The following NEO1 variants were observed in gnomAD, a reference collection of about 807,000 sequenced individuals.
NEO1 encodes neogenin 1, also known as neogenin.
Under a neutral mutation model 159.7 loss-of-function variants are expected in NEO1, and 63 were observed. The ratio of observed to expected loss-of-function variants is 0.39; its 90% CI spans 0.32 to 0.49. NEO1 has a LOEUF of 0.49. Ranked by LOEUF, NEO1 falls within the 20% of genes least tolerant of loss-of-function variation. NEO1 has a pLI of 0.85. For synonymous variants in NEO1, 633 were observed against 662.0 expected (o/e 0.96, Z 0.67); for missense variants, 1,615 against 1,831.0 (o/e 0.88, Z 2.15).
intron 7 of NEO1, among the ~76,000 whole-genome samples, chr15:73,230,818 C>G (rs2038867467): frequency 6.6e-6 from 1 of 152,106 alleles, no homozygotes; most frequent in African/African-American, 2.4e-5. Flanking sequence ...TCTTAAATTT[C>G]TGGGCTCAAG....
chr15:73,301,423 A>G lies in NEO1; in HGVS notation c.4268A>G (p.Gln1423Arg), dbSNP rs758809641. Residue 1423 changes from glutamine (Q) to arginine (R), a missense_variant, in exon 28 of 29, where the codon CAG (glutamine) becomes CGG (arginine). Around this residue, in one of 3 missense-constraint regions of NEO1, gnomAD observed 471 missense variants for 498.9 expected, o/e 0.94. Coordinates refer to ENST00000261908, the MANE Select transcript of NEO1 (RefSeq NM_002499.4). ...PVVVPSAPEV[Q>R]ETTRMLEDSE... ...GTTGTTCCCAGTGCCCCTGAAGTGC[A>G]GGAGACCACAAGGATGTTGGAAGAC... 1.9e-6 allele frequency: 3 copies of G among 1,614,082 alleles called. No homozygotes were observed. The highest frequency in any genetic ancestry group is 1.1e-5 in the South Asian group (1 of 91,082).
rs150824800 is a variant in NEO1 at position 73,229,860 on chromosome 15, G to C, written c.1292-6487G>C. 5.9e-5 allele frequency among the ~76,000 whole-genome samples: 9 copies of C among 152,182 alleles called. No individual in the cohort carries two copies. The East Asian group carries it at 1.7e-3, about 29-fold the overall frequency. ...TTAATTGATTTTGGAACATTAAACT[G>C]TCTTGAATTCCTATGATAAATTCTA... On this transcript the variant is annotated intron_variant, in intron 7 of 28. Transcript: ENST00000261908.
chr15:73,107,277 G>GGT (rs2070741822), intron 1 of NEO1, among the ~76,000 whole-genome samples: 1 of 152,108 alleles, frequency 6.6e-6, no homozygotes, highest in African/African-American at 2.4e-5. Flanking sequence ...GTAGCAGTAA[G>GGT]GTAAAACAGA....
At chr15:73,135,622 G>A (rs575713751) in intron 4 of NEO1, among the ~76,000 whole-genome samples, 2 of 152,182 alleles carry the variant, frequency 1.3e-5, no homozygotes, top group East Asian at 3.8e-4. Context: ...GGTTCCAAGA[G>A]TGATACCCCT....
rs1596424584 is a variant in NEO1, at chr15:73,233,807, A to G, written c.1292-2540A>G. On this transcript the variant is annotated intron_variant, in intron 7 of 28. Transcript: ENST00000261908. ...TACTGAAATCCTTATGTTGTTACTC[A>G]TTCAAGCTAGTCATAGTAAATAACA... Among the ~76,000 whole-genome samples, 3 of 152,094 alleles carry G rather than the reference A, an allele frequency of 2.0e-5. No homozygotes were observed. In the South Asian group the frequency reaches 6.2e-4, roughly 32 times the overall value.
chr15:73,239,152 C>A (rs1026508854), intron 8 of NEO1, among the ~76,000 whole-genome samples: 1 of 152,072 alleles, frequency 6.6e-6, no homozygotes, highest in Non-Finnish European at 1.5e-5. Flanking sequence ...GCCAAGTTAT[C>A]ATTTTTCATC....
intron 2 of NEO1, among the ~76,000 whole-genome samples, chr15:73,122,216 T>C (rs1240956071): frequency 6.6e-6 from 1 of 151,276 alleles, no homozygotes; most frequent in Non-Finnish European, 1.5e-5. Context: ...TCTATGATTA[T>C]ATAAAACCAT....
intron 7 of NEO1, among the ~76,000 whole-genome samples, chr15:73,220,146 T>C (rs920774108): frequency 6.6e-6 from 1 of 152,182 alleles, no homozygotes; most frequent in African/African-American, 2.4e-5. Flanking sequence ...CAGCATTTGC[T>C]TGTCTGTAAA....
chr15:73,276,967 T>A (rs141104746), intron 21 of NEO1, among the ~76,000 whole-genome samples: 334 of 152,196 alleles, frequency 2.2e-3, no homozygotes, highest in African/African-American at 7.7e-3. Context: ...ATGGAACATC[T>A]ACTATGTGTC....
intron 1 of NEO1, among the ~76,000 whole-genome samples, chr15:73,067,088 T>G (rs902736567): frequency 1.4e-4 from 22 of 152,228 alleles, no homozygotes; most frequent in African/African-American, 5.3e-4. Context: ...TGTGGAAGTT[T>G]GTCTGGTTTT....
chr15:73,111,481 A>C (rs1481662700), intron 1 of NEO1, among the ~76,000 whole-genome samples: 1 of 152,224 alleles, frequency 6.6e-6, no homozygotes, highest in South Asian at 2.1e-4. Context: ...ATTAAAAATC[A>C]ACTGAAATCC....
intron 1 of NEO1, among the ~76,000 whole-genome samples, chr15:73,093,252 C>T (rs2069798860): frequency 6.6e-6 from 1 of 152,156 alleles, no homozygotes; most frequent in Non-Finnish European, 1.5e-5. Context: ...CCTTGATCAC[C>T]TGGCTGAGAT....
At chr15:73,110,013 G>A (rs2151568694) in intron 1 of NEO1, among the ~76,000 whole-genome samples, 1 of 152,144 alleles carries the variant, frequency 6.6e-6, no homozygotes, top group East Asian at 1.9e-4. Flanking sequence ...CTTAAGTGTT[G>A]CCTGCTCTTA....
Position 73,266,418 on chromosome 15 carries a change from T to C in NEO1, c.2494+7T>C. On this transcript the variant is annotated splice_region_variant and intron_variant, in intron 16 of 28. Transcript: ENST00000261908. ...GTGACCAGGCCTCACACAGGTAAGG[T>C]ATCCTATCTTTCCTAGTCTCCAGCA... 1.2e-6 allele frequency: 2 copies of C among 1,601,990 alleles called. No individual in the cohort carries two copies. Among genetic ancestry groups the C allele is most frequent in the Non-Finnish European group, 1.7e-6 (2 of 1,172,718 alleles).
chr15:73,104,755 G>A (rs778467574), intron 1 of NEO1, among the ~76,000 whole-genome samples: 44 of 152,238 alleles, frequency 2.9e-4, no homozygotes, highest in Middle Eastern at 6.8e-3. Context: ...GCATGGCTGG[G>A]GAGGCCTCAC....
At chr15:73,077,206 G>A (rs1188763806) in intron 1 of NEO1, among the ~76,000 whole-genome samples, 2 of 152,152 alleles carry the variant, frequency 1.3e-5, no homozygotes, top group Non-Finnish European at 2.9e-5. Context: ...ACCACGCCTG[G>A]CTAATTTTTG....
chr15:73,267,700 C>A (rs562774081), intron 16 of NEO1, among the ~76,000 whole-genome samples: 113 of 152,054 alleles, frequency 7.4e-4, no homozygotes, highest in Middle Eastern at 3.4e-3. Flanking sequence ...CATCCATGTC[C>A]CTACAAAGGA....
chr15:73,052,610 G>T lies in NEO1; in HGVS notation c.-66G>T. 1 of 1,043,354 alleles carries T rather than the reference G, an allele frequency of 9.6e-7. No individual in the cohort carries two copies. Among genetic ancestry groups the T allele is most frequent in the Non-Finnish European group, 1.2e-6 (1 of 833,748 alleles). 64.6% of individuals were successfully genotyped at this position (1,043,354 alleles called of 1,614,324 possible). ...CAGCGAGGGACCGGCTGAGGCGCGC[G>T]GGAGGGAAGGAGGCAAGGGCTCCGC... On this transcript the variant is annotated 5_prime_UTR_variant, in exon 1 of 29. Coordinates refer to ENST00000261908, the MANE Select transcript of NEO1 (RefSeq NM_002499.4).
rs1219959030 is a variant in NEO1, at chr15:73,184,859, C to T, written c.1291+6432C>T. Among the ~76,000 whole-genome samples the T allele has an allele frequency of 2.6e-5, 4 of 151,890 alleles. No individual in the cohort carries two copies. The South Asian group carries it at 6.2e-4, about 24-fold the overall frequency. ...ATGTGAATCACTTGAACCCGGGAGG[C>T]GAAGGTTGCAGTGAGCCAAGATTGC... On this transcript the variant is annotated intron_variant, in intron 7 of 28. Transcript: ENST00000261908.
Sources: gnomAD v4.1 joint callset for allele counts (sites outside exome capture counted in the v4.1 genomes callset) on GRCh38, gnomAD v4.1.1 for gene constraint, gnomAD v4.1.1 regional missense constraint, MANE v1.5 for transcripts, NCBI Gene and HGNC (gene_info 2026-07-23, HGNC 2026-07-21) for gene names.